GPR12: variants seen among roughly 807,000 people sequenced by gnomAD.
GPR12 encodes the protein G protein-coupled receptor 12.
Under a neutral mutation model 18.9 loss-of-function variants are expected in GPR12, and 7 were observed. That is an observed-to-expected ratio of 0.37 (90% confidence interval 0.21 to 0.70). The LOEUF (loss-of-function observed/expected upper bound fraction) is 0.70, where lower values mean the gene tolerates loss of function less well. Ranked by LOEUF, GPR12 falls within the 30% of genes least tolerant of loss-of-function variation. The pLI, the probability that GPR12 is intolerant of heterozygous loss-of-function variation, is 0.54. For missense variants in GPR12, 327 were observed against 427.7 expected (o/e 0.76, Z 2.08); for synonymous variants, 201 against 188.6 (o/e 1.07, Z -0.54).
At position 26,759,464 on chromosome 13, in the gene GPR12, C is replaced by T. The variant is rs1388126105; in HGVS notation, c.364G>A (p.Ala122Thr). The change falls in exon 2 of 2, where the codon GCC (alanine) becomes ACC (threonine). Residue 122 changes from alanine to threonine, a missense_variant. By Grantham distance (58) the Ala-to-Thr change is moderately conservative. Transcript: ENST00000405846. ...TKLVTIGLIV[A>T]SFSASVCSLL... is the part of the protein sequence containing the mutation. ...CTGCAGACAGAGGCAGAGAAAGAGG[C>T]GACAATGAGGCCGATCGTGACCAGC... 6.2e-7 allele frequency: 1 copy of T among 1,614,080 alleles called. No individual in the cohort carries two copies.
At position 26,757,147 on chromosome 13, in the gene GPR12, C is replaced by G. The variant is rs1191914984; in HGVS notation, c.*1676G>C. On this transcript the variant is annotated 3_prime_UTR_variant, in exon 2 of 2. Transcript: ENST00000405846. ...TAACCTCAGGGAGGAGACACAGATT[C>G]AAGTAGAGGATTTTTTCACACGTGT... The G allele has an allele frequency of 6.6e-6, 1 of 152,126 alleles. No homozygotes were observed. The highest frequency in any genetic ancestry group is 1.5e-5 in the Non-Finnish European group (1 of 68,034). The allele number at this position is 152,126 out of a possible 1,614,324, so 9.4% of individuals were successfully genotyped here.
In GPR12 at chr13:26,758,737, G is replaced by T; in HGVS notation, c.*86C>A. 1 of 1,498,952 alleles carries T rather than the reference G, an allele frequency of 6.7e-7. No homozygotes were observed. Among genetic ancestry groups the T allele is most frequent in the East Asian group, 2.3e-5 (1 of 42,866 alleles). The allele number at this position is 1,498,952 out of a possible 1,614,324, so 92.9% of individuals were successfully genotyped here. A position where few individuals can be genotyped will look rare whatever the true frequency, so the allele number is the denominator to read the frequency against. ...CCTGTGGCTTGAGAGGGAATCCAATGCAAGGAATTCAAGGGAAGCATCTCA... is the reference window on the plus strand; with the variant it reads ...CCTGTGGCTTGAGAGGGAATCCAATTCAAGGAATTCAAGGGAAGCATCTCA... On this transcript the variant is annotated 3_prime_UTR_variant, in exon 2 of 2. Transcript: ENST00000405846.
At position 26,756,615 on chromosome 13, in the gene GPR12, T is replaced by G. The variant is rs1884379459; in HGVS notation, c.*2208A>C. 1 of 152,194 alleles carries G rather than the reference T, an allele frequency of 6.6e-6. No homozygotes were observed. 9.4% of individuals were successfully genotyped at this position (152,194 alleles called of 1,614,324 possible). ...ACAGGGAAGGAGCAAGACTTAGACTTTGGAAAAGCTGGCTTCAAATTCTGA... is the reference window on the plus strand; with the variant it reads ...ACAGGGAAGGAGCAAGACTTAGACTGTGGAAAAGCTGGCTTCAAATTCTGA... On this transcript the variant is annotated 3_prime_UTR_variant, in exon 2 of 2. Transcript: ENST00000405846.
At chr13:26,759,949 C>T in intron 1 of GPR12, 107 bp from the exon 2 acceptor site, 1 of 1,421,784 alleles carries the variant, frequency 7.0e-7, no homozygotes, top group Non-Finnish European at 9.2e-7. Context: ...TGCTCAGATA[C>T]CAGTACCAAA....
In GPR12 at chr13:26,759,894, C is replaced by T. The variant is rs1056905958; in HGVS notation, c.-15-52G>A. ...TGTTTAAATACAGCAGGGTGACAAT[C>T]CAAGATCATGCAAAAAACACACAGA... is the stretch of plus-strand genomic sequence containing the variant. On this transcript the variant is annotated intron_variant, in intron 1 of 1. Transcript: ENST00000405846. 4.7e-6 allele frequency: 7 copies of T among 1,500,710 alleles called. No homozygotes were observed. In the African/African-American group the frequency reaches 5.6e-5, roughly 12 times the overall value. The allele number at this position is 1,500,710 out of a possible 1,614,324, so 93.0% of individuals were successfully genotyped here. A position where few individuals can be genotyped will look rare whatever the true frequency, so the allele number is the denominator to read the frequency against.
At position 26,758,880 on chromosome 13, in the gene GPR12, G is replaced by A. The variant is rs1439157679; in HGVS notation, c.948C>T (p.Cys316=). 1.2e-6 allele frequency: 2 copies of A among 1,613,940 alleles called. No individual in the cohort carries two copies. Among genetic ancestry groups the A allele is most frequent in the South Asian group, 2.2e-5 (2 of 91,082 alleles). Residue 316 remains cysteine, a synonymous_variant, in exon 2 of 2, where the codon TGC becomes TGT. Transcript: ENST00000405846. ...QEIQKALCLI[C]CGCIPSSLAQ... ...CGAGACTGGACGGGATGCAGCCGCAGCAAATGAGACAGAGCGCTTTCTGGA... is the reference window on the plus strand; with the variant it reads ...CGAGACTGGACGGGATGCAGCCGCAACAAATGAGACAGAGCGCTTTCTGGA...
Position 26,756,016 on chromosome 13 carries a change from C to T in GPR12, c.*2807G>A, listed in dbSNP as rs1480263621. 1 of 152,030 alleles carries T rather than the reference C, an allele frequency of 6.6e-6. No homozygotes were observed. Among genetic ancestry groups the T allele is most frequent in the Admixed American group, 6.6e-5 (1 of 15,262 alleles). The allele number at this position is 152,030 out of a possible 1,614,324, so 9.4% of individuals were successfully genotyped here. ...GCACATTTAAAAATAATTAGCTCCACAGGAAAAAAGAAACCTTGTAGAAAA... is the reference window on the plus strand; with the variant it reads ...GCACATTTAAAAATAATTAGCTCCATAGGAAAAAAGAAACCTTGTAGAAAA... On this transcript the variant is annotated 3_prime_UTR_variant, in exon 2 of 2. Coordinates refer to ENST00000405846, the MANE Select transcript of GPR12 (RefSeq NM_005288.4).
intron 1 of GPR12, 24 bp from the exon 2 acceptor site, chr13:26,759,866 T>C (rs1884450871): frequency 1.3e-6 from 2 of 1,524,698 alleles, no homozygotes; most frequent in South Asian, 1.3e-5. Flanking sequence ...ACAGGCTTTT[T>C]AATGTTTAAA....
rs751742793 is a variant in GPR12 at position 26,759,753 on chromosome 13, G to T, written c.75C>A (p.Ile25=). ...DYLDAAAAEN[I]SAAVSSRVPA... ...GAACCCGGGAGGAGACAGCAGCCGAGATGTTCTCCGCAGCAGCGGCATCTA... is the reference window on the plus strand; with the variant it reads ...GAACCCGGGAGGAGACAGCAGCCGATATGTTCTCCGCAGCAGCGGCATCTA... The change falls in exon 2 of 2, where the codon ATC becomes ATA. Residue 25 remains isoleucine (I), a synonymous_variant. Coordinates refer to ENST00000405846, the MANE Select transcript of GPR12 (RefSeq NM_005288.4). The T allele has an allele frequency of 5.0e-6, 8 of 1,612,438 alleles. No individual in the cohort carries two copies. Among genetic ancestry groups the T allele is most frequent in the Non-Finnish European group, 6.8e-6 (8 of 1,178,616 alleles).
In GPR12 at chr13:26,760,749, C is replaced by T. The variant is rs918299218; in HGVS notation, c.-186G>A. 2 of 148,142 alleles carry T rather than the reference C, an allele frequency of 1.4e-5. No homozygotes were observed. The highest frequency in any genetic ancestry group is 4.9e-5 in the African/African-American group (2 of 40,918). 9.2% of individuals were successfully genotyped at this position (148,142 alleles called of 1,614,324 possible). A position where few individuals can be genotyped will look rare whatever the true frequency, so the allele number is the denominator to read the frequency against. ...CCGCGGCAGGTGAGCGGCGCGGCTG[C>T]AGGTGAGCAGCAGCCTCGGCTCGCG... On this transcript the variant is annotated 5_prime_UTR_variant, in exon 1 of 2. Coordinates refer to ENST00000405846, the MANE Select transcript of GPR12 (RefSeq NM_005288.4).
In GPR12 at chr13:26,758,688, A is replaced by G. The variant is rs1187181892; in HGVS notation, c.*135T>C. 3.9e-6 allele frequency: 5 copies of G among 1,283,822 alleles called. No individual in the cohort carries two copies. The Admixed American group carries it at 1.1e-4, about 29-fold the overall frequency. 79.5% of individuals were successfully genotyped at this position (1,283,822 alleles called of 1,614,324 possible). A position where few individuals can be genotyped will look rare whatever the true frequency, so the allele number is the denominator to read the frequency against. ...TCACTTAACTCATCTGAACGATGTCATTGTTTCACGAATGCTAAGTGCTCC... is the reference window on the plus strand; with the variant it reads ...TCACTTAACTCATCTGAACGATGTCGTTGTTTCACGAATGCTAAGTGCTCC... On this transcript the variant is annotated 3_prime_UTR_variant, in exon 2 of 2. Coordinates refer to ENST00000405846, the MANE Select transcript of GPR12 (RefSeq NM_005288.4).
intron 1 of GPR12, 121 bp from the exon 2 acceptor site, chr13:26,759,963 C>T (rs191457503): frequency 3.3e-4 from 451 of 1,384,056 alleles, no homozygotes; most frequent in Admixed American, 8.0e-4. Context: ...TACCAAATGC[C>T]ACAAGCTTCG....
chr13:26,759,865 T>C (rs2137580206), intron 1 of GPR12, 23 bp from the exon 2 acceptor site: 1 of 1,525,010 alleles, frequency 6.6e-7, no homozygotes. Context: ...GACAGGCTTT[T>C]TAATGTTTAA....
Position 26,755,782 on chromosome 13 carries a change from G to A in GPR12, c.*3041C>T, listed in dbSNP as rs1483283409. On this transcript the variant is annotated 3_prime_UTR_variant, in exon 2 of 2. Coordinates refer to ENST00000405846, the MANE Select transcript of GPR12 (RefSeq NM_005288.4). ...CTGGTAAAGTAATGGAACTGTCCTAGTTACAAGGATAACTGTTTCTACTGG... is the reference window on the plus strand; with the variant it reads ...CTGGTAAAGTAATGGAACTGTCCTAATTACAAGGATAACTGTTTCTACTGG... 1.3e-5 allele frequency: 2 copies of A among 152,220 alleles called. No homozygotes were observed. The highest frequency in any genetic ancestry group is 2.9e-5 in the Non-Finnish European group (2 of 68,042). 9.4% of individuals were successfully genotyped at this position (152,220 alleles called of 1,614,324 possible).
rs137999425 is a variant in GPR12, at chr13:26,759,678, G to A, written c.150C>T (p.Val50=). The A allele has an allele frequency of 6.2e-7, 1 of 1,613,924 alleles. No individual in the cohort carries two copies. The highest frequency in any genetic ancestry group is 1.3e-5 in the African/African-American group (1 of 74,894). ...PELVVNPWDI[V]LCTSGTLISC... ...AGATGAGGGTTCCCGAGGTACACAAGACAATGTCCCAGGGGTTGACTACGA... is the reference window on the plus strand; with the variant it reads ...AGATGAGGGTTCCCGAGGTACACAAAACAATGTCCCAGGGGTTGACTACGA... Residue 50 remains valine (V), a synonymous_variant, in exon 2 of 2, where the codon GTC becomes GTT. Coordinates refer to ENST00000405846, the MANE Select transcript of GPR12 (RefSeq NM_005288.4).
At position 26,756,200 on chromosome 13, in the gene GPR12, T is replaced by G. The variant is rs1248182618; in HGVS notation, c.*2623A>C. 1.3e-5 allele frequency: 2 copies of G among 152,194 alleles called. No homozygotes were observed. The highest frequency in any genetic ancestry group is 3.8e-4 in the East Asian group (2 of 5,198). The allele number at this position is 152,194 out of a possible 1,614,324, so 9.4% of individuals were successfully genotyped here. The stretch of plus-strand genomic sequence containing the variant: ...TAAACAGGAAATTTTATGTCCTTTT[T>G]TTTTTGAGATGGAGTCTTGCTCTGT... On this transcript the variant is annotated 3_prime_UTR_variant, in exon 2 of 2. Coordinates refer to ENST00000405846, the MANE Select transcript of GPR12 (RefSeq NM_005288.4).
rs1274821602 is a variant in GPR12 at position 26,759,718 on chromosome 13, T to C, written c.110A>G (p.Glu37Gly). The C allele has an allele frequency of 4.3e-6, 7 of 1,613,610 alleles. No homozygotes were observed. The highest frequency in any genetic ancestry group is 5.9e-6 in the Non-Finnish European group (7 of 1,179,674). Residue 37 changes from glutamate to glycine, a missense_variant, in exon 2 of 2, where the codon GAG (glutamate) becomes GGG (glycine). Transcript: ENST00000405846. ...GTTGACTACGAGCTCAGGCTCTGGC[T>C]CTACGGCAGGAACCCGGGAGGAGAC... Reference protein sequence around the residue: ...AAVSSRVPAVEPEPELVVNPW... With the variant: ...AAVSSRVPAVGPEPELVVNPW...
rs886103014 is a variant in GPR12, at chr13:26,757,889, T to C, written c.*934A>G. On this transcript the variant is annotated 3_prime_UTR_variant, in exon 2 of 2. Transcript: ENST00000405846. Reference sequence around the variant, plus strand: ...TTTCATGATAATGTCACATTAGTTTTTTTCAGAATATATTAAAATAAATTT... The same window carrying C: ...TTTCATGATAATGTCACATTAGTTTCTTTCAGAATATATTAAAATAAATTT... 3.3e-5 allele frequency: 5 copies of C among 152,242 alleles called. No homozygotes were observed. Among genetic ancestry groups the C allele is most frequent in the African/African-American group, 1.2e-4 (5 of 41,466 alleles). The allele number at this position is 152,242 out of a possible 1,614,324, so 9.4% of individuals were successfully genotyped here. A position where few individuals can be genotyped will look rare whatever the true frequency, so the allele number is the denominator to read the frequency against.
rs1195601102 is a variant in GPR12 at position 26,757,067 on chromosome 13, T to C, written c.*1756A>G. The C allele has an allele frequency of 2.0e-5, 3 of 152,204 alleles. No homozygotes were observed. The highest frequency in any genetic ancestry group is 7.2e-5 in the African/African-American group (3 of 41,450). 9.4% of individuals were successfully genotyped at this position (152,204 alleles called of 1,614,324 possible). On this transcript the variant is annotated 3_prime_UTR_variant, in exon 2 of 2. Transcript: ENST00000405846. ...TAGATTGATCATACAGTGGTATGTA[T>C]TGAAAATTCTTTCCCACTTCTTAAG...
Sources: allele counts gnomAD v4.1 joint callset, GRCh38; gene constraint gnomAD v4.1.1; transcripts MANE v1.5; gene names NCBI Gene and HGNC (gene_info 2026-07-23, HGNC 2026-07-21).